The following DLGAP1 variants were observed in gnomAD, a reference collection of about 807,000 sequenced individuals.
DLGAP1 encodes disks large-associated protein 1.
DLGAP1 carries 11 observed loss-of-function variants against 90.8 expected under a neutral mutation model. That is an observed-to-expected ratio of 0.12 (90% CI 0.08 to 0.20). DLGAP1 has a LOEUF of 0.20. DLGAP1 is among the 10% of genes least tolerant of loss of function. The pLI is 1.00. For synonymous variants in DLGAP1, 558 were observed against 540.7 expected, an observed-to-expected ratio of 1.03 and a Z score of -0.44; for missense variants, 1,050 against 1,333.8, an observed-to-expected ratio of 0.79 and a Z score of 3.31.
intron 1 of DLGAP1, among the ~76,000 whole-genome samples, chr18:4,315,820 A>G (rs2080511556): frequency 6.6e-6 from 1 of 152,148 alleles, no homozygotes; most frequent in South Asian, 2.1e-4. Context: ...TTGACTCTGA[A>G]GCAGAAATGA....
chr18:4,079,392 G>A (rs1254050186), intron 2 of DLGAP1, among the ~76,000 whole-genome samples: 6 of 151,562 alleles, frequency 4.0e-5, no homozygotes, highest in Non-Finnish European at 7.4e-5. Flanking sequence ...CAGCAATTTG[G>A]ATGGAGTTGG....
intron 1 of DLGAP1, among the ~76,000 whole-genome samples, chr18:4,431,792 A>T (rs1188166841): frequency 6.6e-6 from 1 of 152,212 alleles, no homozygotes; most frequent in Non-Finnish European, 1.5e-5. Flanking sequence ...TTTTACAAAG[A>T]GTTCTCTTAT....
At chr18:4,075,170 T>C (rs1352348161) in intron 2 of DLGAP1, among the ~76,000 whole-genome samples, 1 of 152,300 alleles carries the variant, frequency 6.6e-6, no homozygotes, top group African/African-American at 2.4e-5. Flanking sequence ...TTTAGCATCA[T>C]TACATTTTTT....
chr18:4,111,918 TTTTG>T (rs1226654877), intron 2 of DLGAP1, among the ~76,000 whole-genome samples: 7 of 151,336 alleles, frequency 4.6e-5, no homozygotes, highest in Middle Eastern at 3.4e-3. Flanking sequence ...TCTCTTTTGT[TTTTG>T]TTTTTTATTT....
At chr18:3,883,206 T>C (rs1000931183) in intron 3 of DLGAP1, among the ~76,000 whole-genome samples, 2 of 152,224 alleles carry the variant, frequency 1.3e-5, no homozygotes, top group Non-Finnish European at 2.9e-5. Context: ...ATCGTGCCAC[T>C]GCACTCCAAC....
At chr18:3,698,152 G>C (rs551273825) in intron 7 of DLGAP1, among the ~76,000 whole-genome samples, 1 of 152,132 alleles carries the variant, frequency 6.6e-6, no homozygotes, top group Non-Finnish European at 1.5e-5. Flanking sequence ...TTGCCACTCT[G>C]TGTCTTTTAA....
At chr18:3,843,116 A>G (rs918282773) in intron 4 of DLGAP1, among the ~76,000 whole-genome samples, 1 of 152,152 alleles carries the variant, frequency 6.6e-6, no homozygotes. Flanking sequence ...GTGGCCTTTG[A>G]TGTGTGTGTG....
At chr18:4,080,026 G>A (rs1207472957) in intron 2 of DLGAP1, among the ~76,000 whole-genome samples, 3 of 152,166 alleles carry the variant, frequency 2.0e-5, no homozygotes, top group African/African-American at 7.2e-5. Context: ...TCACTAGCTT[G>A]TTAACAGTGA....
Position 4,181,890 on chromosome 18 carries a change from C to T in DLGAP1, c.-266-30603G>A, listed in dbSNP as rs546293883. Among the ~76,000 whole-genome samples, 14 of 152,220 alleles carry T rather than the reference C, an allele frequency of 9.2e-5. No individual in the cohort carries two copies. The South Asian group carries it at 2.1e-3, about 23-fold the overall frequency. ...TACTAATAAATATGGGAGCTGTTTTCTTCCATTAGAAGAAACACCAGTAGC... is the reference window on the plus strand; with the variant it reads ...TACTAATAAATATGGGAGCTGTTTTTTTCCATTAGAAGAAACACCAGTAGC... On this transcript the variant is annotated intron_variant, in intron 1 of 12. Transcript: ENST00000315677.
chr18:3,509,432 G>A (rs1421358235), intron 10 of DLGAP1, among the ~76,000 whole-genome samples: 2 of 152,164 alleles, frequency 1.3e-5, no homozygotes, highest in Non-Finnish European at 2.9e-5. Flanking sequence ...GCCTGCAGGC[G>A]TGCTCAGACC....
chr18:3,538,911 C>T (rs2052533848), intron 9 of DLGAP1, among the ~76,000 whole-genome samples: 1 of 152,202 alleles, frequency 6.6e-6, no homozygotes, highest in African/African-American at 2.4e-5. Context: ...TGCAAAGGAT[C>T]CACCTTCTTA....
chr18:4,230,056 C>G (rs2078268636), intron 1 of DLGAP1, among the ~76,000 whole-genome samples: 1 of 152,158 alleles, frequency 6.6e-6, no homozygotes. Context: ...CATTGATCAT[C>G]TATGAAATGC....
chr18:3,587,547 G>A (rs934756322), intron 7 of DLGAP1, among the ~76,000 whole-genome samples: 4 of 152,176 alleles, frequency 2.6e-5, no homozygotes, highest in Non-Finnish European at 4.4e-5. Context: ...GGACGTGGGC[G>A]GGGACAAATA....
At position 4,062,635 on chromosome 18, in the gene DLGAP1, G is replaced by GCA. The variant is rs1254537165; in HGVS notation, c.-158-57435_-158-57434insTG. ...TATGGCAAATAATTATTTTTGCCGT[G>GCA]CTTCATGCAAATAATCAGGCCAAGT... is the stretch of plus-strand genomic sequence containing the variant. On this transcript the variant is annotated intron_variant, in intron 2 of 12. Transcript: ENST00000315677. Among the ~76,000 whole-genome samples, 314 of 152,150 alleles carry GCA rather than the reference G, an allele frequency of 2.1e-3. 2 individuals carry two copies. Among genetic ancestry groups the GCA allele is most frequent in the African/African-American group, 7.2e-3 (300 of 41,520 alleles).
chr18:4,287,003 C>A (rs2079713136), intron 1 of DLGAP1, among the ~76,000 whole-genome samples: 1 of 151,956 alleles, frequency 6.6e-6, no homozygotes. Context: ...GTTAAAAGAG[C>A]GGGTACCTCT....
chr18:4,249,848 C>T (rs2078743341), intron 1 of DLGAP1, among the ~76,000 whole-genome samples: 1 of 152,192 alleles, frequency 6.6e-6, no homozygotes. Flanking sequence ...CTCAGCCTGC[C>T]AAAGTGCTGG....
intron 9 of DLGAP1, among the ~76,000 whole-genome samples, chr18:3,546,156 G>C (rs1169434957): frequency 6.6e-6 from 1 of 152,092 alleles, no homozygotes; most frequent in African/African-American, 2.4e-5. Context: ...AGGCTTGGTG[G>C]CTCACGCCTG....
chr18:3,597,303 G>A (rs957860741), intron 7 of DLGAP1: 9 of 475,092 alleles, frequency 1.9e-5, no homozygotes, highest in African/African-American at 1.0e-4. Flanking sequence ...ATCACATGAC[G>A]CAACAGGCTA....
At chr18:3,550,055 A>G (rs2053296392) in intron 9 of DLGAP1, among the ~76,000 whole-genome samples, 1 of 152,126 alleles carries the variant, frequency 6.6e-6, no homozygotes, top group Non-Finnish European at 1.5e-5. Context: ...CTGAGACTAC[A>G]GGTGCATGCC....
Sources: gnomAD v4.1 joint callset for allele counts (sites outside exome capture counted in the v4.1 genomes callset) on GRCh38, gnomAD v4.1.1 for gene constraint, MANE v1.5 for transcripts, NCBI Gene and HGNC (gene_info 2026-07-23, HGNC 2026-07-21) for gene names.